The following KCNQ3 variants were observed in gnomAD, a reference collection of about 807,000 sequenced individuals.
KCNQ3 encodes the protein potassium voltage-gated channel subfamily KQT member 3.
A neutral mutation model predicts 92.5 loss-of-function variants in KCNQ3; 30 were observed. The ratio of observed to expected loss-of-function variants is 0.32; its 90% CI spans 0.24 to 0.44. KCNQ3 has a LOEUF of 0.44. KCNQ3 is among the 20% of genes least tolerant of loss of function. KCNQ3 has a pLI of 1.00. For synonymous variants in KCNQ3, 450 were observed against 468.8 expected (o/e 0.96, Z 0.52); for missense variants, 913 against 1,140.3 (o/e 0.80, Z 2.87).
At chr8:132,199,491 G>A (rs1827396001) in intron 1 of KCNQ3, among the ~76,000 whole-genome samples, 1 of 152,104 alleles carries the variant, frequency 6.6e-6, no homozygotes, top group East Asian at 1.9e-4. Flanking sequence ...ATGAAGTATT[G>A]GTTCTTGTTT....
chr8:132,397,492 A>T (rs1311758016), intron 1 of KCNQ3, among the ~76,000 whole-genome samples: 1 of 152,160 alleles, frequency 6.6e-6, no homozygotes, highest in Non-Finnish European at 1.5e-5. Context: ...TAGGGTTGGG[A>T]TGGGAATCAT....
chr8:132,254,321 T>C (rs1283100169), intron 1 of KCNQ3, among the ~76,000 whole-genome samples: 1 of 152,102 alleles, frequency 6.6e-6, no homozygotes, highest in Non-Finnish European at 1.5e-5. Context: ...AGTACAGAAA[T>C]TACAGGGGAC....
chr8:132,191,504 A>G (rs1420187595), intron 1 of KCNQ3, among the ~76,000 whole-genome samples: 3 of 151,394 alleles, frequency 2.0e-5, no homozygotes, highest in African/African-American at 7.3e-5. Context: ...ACACATACAT[A>G]TATATGTATC....
At chr8:132,386,173 T>A (rs1369849222) in intron 1 of KCNQ3, among the ~76,000 whole-genome samples, 1 of 152,088 alleles carries the variant, frequency 6.6e-6, no homozygotes, top group African/African-American at 2.4e-5. Context: ...ACATCAGAAT[T>A]TAAGGGTGGT....
chr8:132,284,689 A>T (rs1816627819), intron 1 of KCNQ3, among the ~76,000 whole-genome samples: 1 of 152,234 alleles, frequency 6.6e-6, no homozygotes, highest in South Asian at 2.1e-4. Flanking sequence ...TAGCCTTAGG[A>T]TTAGACACTT....
chr8:132,448,989 G>A (rs916074312), intron 1 of KCNQ3, among the ~76,000 whole-genome samples: 7 of 152,212 alleles, frequency 4.6e-5, no homozygotes, highest in Non-Finnish European at 1.0e-4. Context: ...CGGTACGGCA[G>A]GAAGAGCACC....
intron 1 of KCNQ3, among the ~76,000 whole-genome samples, chr8:132,262,248 C>T (rs1815812020): frequency 6.6e-6 from 1 of 151,924 alleles, no homozygotes; most frequent in Non-Finnish European, 1.5e-5. Flanking sequence ...GGAGTGATAC[C>T]CAAAGGGTAT....
rs1822542079 is a variant in KCNQ3, at chr8:132,480,691, A to C, written c.-159T>G. ...CCCCACCCCCCCCCAAAAGCAGGCA[A>C]AGGCGGGCCCCCTGGGGGGCAGGGG... On this transcript the variant is annotated 5_prime_UTR_variant, in exon 1 of 15. Transcript: ENST00000388996. The C allele has an allele frequency of 8.0e-6, 6 of 751,880 alleles. No individual in the cohort carries two copies. The highest frequency in any genetic ancestry group is 8.1e-6 in the Non-Finnish European group (5 of 616,398). The allele number at this position is 751,880 out of a possible 1,614,324, so 46.6% of individuals were successfully genotyped here.
intron 7 of KCNQ3, 70 bp downstream of exon 7, chr8:132,172,528 C>T: frequency 8.6e-6 from 9 of 1,051,206 alleles, no homozygotes; most frequent in East Asian, 2.7e-5. Flanking sequence ...TGCACACATA[C>T]ACACACACAC....
Position 132,396,770 on chromosome 8 carries a change from C to G in KCNQ3, c.386+83377G>C, listed in dbSNP as rs568494431. Reference sequence around the variant, plus strand: ...AGCTGACAACAGATACAGAGAGTATCTGGGTGGGCCTGAGCTAATCACCTG... The same window carrying G: ...AGCTGACAACAGATACAGAGAGTATGTGGGTGGGCCTGAGCTAATCACCTG... On this transcript the variant is annotated intron_variant, in intron 1 of 14. Transcript: ENST00000388996. 3.3e-4 allele frequency among the ~76,000 whole-genome samples: 51 copies of G among 152,276 alleles called. No individual in the cohort carries two copies. The South Asian group carries it at 0.01, about 31-fold the overall frequency.
At chr8:132,147,167 T>C (rs930057335) in intron 9 of KCNQ3, among the ~76,000 whole-genome samples, 4 of 152,304 alleles carry the variant, frequency 2.6e-5, no homozygotes, top group South Asian at 2.1e-4. Context: ...GGGTGATTGA[T>C]TGCAGTGGGT....
intron 1 of KCNQ3, among the ~76,000 whole-genome samples, chr8:132,192,254 G>T (rs1390915354): frequency 6.6e-6 from 1 of 152,148 alleles, no homozygotes; most frequent in Non-Finnish European, 1.5e-5. Flanking sequence ...ACCAGCAACC[G>T]CAGGAACCCA....
chr8:132,360,736 C>T (rs946663173), intron 1 of KCNQ3, among the ~76,000 whole-genome samples: 8 of 152,340 alleles, frequency 5.3e-5, no homozygotes, highest in East Asian at 1.9e-4. Flanking sequence ...GTAATGTTCA[C>T]GGTCCATACC....
chr8:132,274,008 C>T (rs1384450760), intron 1 of KCNQ3, among the ~76,000 whole-genome samples: 1 of 152,146 alleles, frequency 6.6e-6, no homozygotes, highest in Admixed American at 6.5e-5. Flanking sequence ...TCTTCTGAGC[C>T]CTCCAAACTG....
intron 1 of KCNQ3, among the ~76,000 whole-genome samples, chr8:132,338,366 A>G (rs145550269): frequency 6.8e-4 from 103 of 152,276 alleles, no homozygotes; most frequent in Non-Finnish European, 1.2e-3. Context: ...TGGGATTTAA[A>G]TCCCAGCTTT....
chr8:132,444,150 C>G (rs915850811), intron 1 of KCNQ3, among the ~76,000 whole-genome samples: 1 of 152,094 alleles, frequency 6.6e-6, no homozygotes, highest in African/African-American at 2.4e-5. Context: ...CTCCATCAAC[C>G]CCTATTTCCC....
intron 1 of KCNQ3, among the ~76,000 whole-genome samples, chr8:132,192,716 C>A (rs1472434714): frequency 6.6e-6 from 1 of 152,192 alleles, no homozygotes; most frequent in Non-Finnish European, 1.5e-5. Flanking sequence ...GTGACGCAAT[C>A]TCCGCTCACT....
chr8:132,396,980 GAA>G (rs1820210657), intron 1 of KCNQ3, among the ~76,000 whole-genome samples: 1 of 151,654 alleles, frequency 6.6e-6, no homozygotes, highest in African/African-American at 2.4e-5. Flanking sequence ...GTGTGTGGGA[GAA>G]AGAGAGAGAG....
intron 9 of KCNQ3, among the ~76,000 whole-genome samples, chr8:132,152,972 A>G (rs1168478592): frequency 6.6e-6 from 1 of 152,182 alleles, no homozygotes; most frequent in African/African-American, 2.4e-5. Context: ...TCCCATCATG[A>G]TTTTTTTAAA....
Sources: allele counts gnomAD v4.1 joint callset (sites outside exome capture counted in the v4.1 genomes callset), GRCh38; gene constraint gnomAD v4.1.1; transcripts MANE v1.5; gene names NCBI Gene and HGNC (gene_info 2026-07-23, HGNC 2026-07-21).